Variants in CTNNA1 observed in about 807,000 individuals in gnomAD.
The protein encoded by CTNNA1 is catenin alpha-1.
CTNNA1 carries 37 observed loss-of-function variants against 98.4 expected under a neutral mutation model. That is an observed-to-expected ratio of 0.38 (90% CI 0.29 to 0.49). The LOEUF (loss-of-function observed/expected upper bound fraction) is 0.49, where lower values mean the gene tolerates loss of function less well. CTNNA1 is among the 20% of genes least tolerant of loss of function. The pLI is 0.95. For missense variants in CTNNA1, 761 were observed against 1,147.2 expected, an observed-to-expected ratio of 0.66 and a Z score of 4.86; for synonymous variants, 404 against 413.2, an observed-to-expected ratio of 0.98 and a Z score of 0.27.
chr5:138,871,534 T>C (rs1392529488), intron 7 of CTNNA1: 1 of 152,262 alleles, frequency 6.6e-6, no homozygotes, highest in African/African-American at 2.4e-5. Context: ...ATATTTACAT[T>C]GGAGGATCTA....
At chr5:138,895,704 G>A (rs1411023812) in intron 9 of CTNNA1, among the ~76,000 whole-genome samples, 2 of 152,062 alleles carry the variant, frequency 1.3e-5, no homozygotes, top group Non-Finnish European at 2.9e-5. Flanking sequence ...AGATTATCTT[G>A]TACTAAATAC....
chr5:138,756,347 A>G (rs1751645549), intron 1 of CTNNA1, among the ~76,000 whole-genome samples: 1 of 151,998 alleles, frequency 6.6e-6, no homozygotes, highest in African/African-American at 2.4e-5. Context: ...TTTAATTTTT[A>G]GCAGAGATGG....
At chr5:138,839,258 C>T (rs1762067051) in intron 7 of CTNNA1, among the ~76,000 whole-genome samples, 3 of 151,600 alleles carry the variant, frequency 2.0e-5, no homozygotes, top group African/African-American at 4.9e-5. Flanking sequence ...AAGTCTTGCT[C>T]TGTTGCTCAG....
intron 5 of CTNNA1, among the ~76,000 whole-genome samples, chr5:138,816,479 T>G (rs1356005887): frequency 1.3e-5 from 2 of 152,240 alleles, no homozygotes; most frequent in African/African-American, 4.8e-5. Flanking sequence ...TGTACTGATT[T>G]ACATTCCCAC....
intron 7 of CTNNA1, among the ~76,000 whole-genome samples, chr5:138,840,548 A>G (rs1251781537): frequency 6.6e-6 from 1 of 152,202 alleles, no homozygotes; most frequent in Non-Finnish European, 1.5e-5. Flanking sequence ...CTTTTTGGCA[A>G]AGTTGTCATG....
intron 14 of CTNNA1, among the ~76,000 whole-genome samples, chr5:138,929,833 A>G (rs1363133473): frequency 6.6e-6 from 1 of 152,230 alleles, no homozygotes; most frequent in East Asian, 1.9e-4. Flanking sequence ...GAGGATGCCA[A>G]GAAATATTTC....
At chr5:138,789,184 T>G (rs1311843138) in intron 3 of CTNNA1, among the ~76,000 whole-genome samples, 1 of 41,142 alleles carries the variant, frequency 2.4e-5, no homozygotes, top group African/African-American at 2.3e-4. Context: ...GTTTTTCCTG[T>G]TTTTCCCCCC....
At chr5:138,813,677 G>GTAC (rs1292422844) in intron 5 of CTNNA1, among the ~76,000 whole-genome samples, 1 of 152,154 alleles carries the variant, frequency 6.6e-6, no homozygotes, top group African/African-American at 2.4e-5. Flanking sequence ...CCAGGTTGGA[G>GTAC]TACAGTGGTG....
intron 5 of CTNNA1, among the ~76,000 whole-genome samples, chr5:138,821,437 A>T (rs951102535): frequency 6.6e-5 from 10 of 152,096 alleles, no homozygotes; most frequent in African/African-American, 2.4e-4. Context: ...TTTTGTGATT[A>T]TTTTTTTCTG....
At chr5:138,758,589 A>G (rs1751967442) in intron 1 of CTNNA1, among the ~76,000 whole-genome samples, 1 of 151,888 alleles carries the variant, frequency 6.6e-6, no homozygotes, top group Non-Finnish European at 1.5e-5. Flanking sequence ...GTTGGCCAGG[A>G]TAGTCTTGAT....
chr5:138,864,357 T>G (rs1042504461), intron 7 of CTNNA1, among the ~76,000 whole-genome samples: 1 of 152,204 alleles, frequency 6.6e-6, no homozygotes. Context: ...AATCTTATTA[T>G]GACCATTGGC....
At position 138,812,265 on chromosome 5, in the gene CTNNA1, T is replaced by C. The variant is rs1448027258; in HGVS notation, c.551T>C (p.Val184Ala). 2.5e-6 allele frequency: 4 copies of C among 1,613,916 alleles called. No individual in the cohort carries two copies. The highest frequency in any genetic ancestry group is 1.3e-5 in the African/African-American group (1 of 75,026). Reference protein sequence around the residue: ...GIQYKALKPEVDKLNIMAAKR... With the variant: ...GIQYKALKPEADKLNIMAAKR... Reference sequence around the variant, plus strand: ...CAGTATAAAGCCCTAAAACCTGAAGTGGATAAGCTGAACATTATGGCAGCC... The same window carrying C: ...CAGTATAAAGCCCTAAAACCTGAAGCGGATAAGCTGAACATTATGGCAGCC... The change falls in exon 5 of 18, where the codon GTG becomes GCG. Residue 184 changes from valine to alanine, a missense_variant. Physicochemically the swap from Val to Ala is moderately conservative, Grantham distance 64. Coordinates refer to ENST00000302763, the MANE Select transcript of CTNNA1 (RefSeq NM_001903.5).
At chr5:138,885,387 T>C (rs1208728954) in intron 7 of CTNNA1, among the ~76,000 whole-genome samples, 1 of 152,186 alleles carries the variant, frequency 6.6e-6, no homozygotes, top group Non-Finnish European at 1.5e-5. Flanking sequence ...GCTTTTAATA[T>C]ACTTTATATA....
chr5:138,771,734 G>A (rs1016189088), intron 1 of CTNNA1, among the ~76,000 whole-genome samples: 4 of 152,080 alleles, frequency 2.6e-5, no homozygotes, highest in Non-Finnish European at 5.9e-5. Flanking sequence ...GAGAGTTGAG[G>A]TTCCAAAGGC....
intron 1 of CTNNA1, among the ~76,000 whole-genome samples, chr5:138,758,470 C>T (rs377578369): frequency 1.7e-4 from 26 of 152,204 alleles, no homozygotes; most frequent in East Asian, 1.5e-3. Context: ...CTCTGCCTCC[C>T]GTGTTCAAGT....
intron 11 of CTNNA1, among the ~76,000 whole-genome samples, chr5:138,918,481 C>A (rs1163597117): frequency 6.6e-6 from 1 of 152,034 alleles, no homozygotes; most frequent in Non-Finnish European, 1.5e-5. Flanking sequence ...GCATGATGCA[C>A]AGATAGAAAA....
chr5:138,827,817 T>C, intron 7 of CTNNA1, 99 bp downstream of exon 7: 1 of 1,409,340 alleles, frequency 7.1e-7, no homozygotes, highest in Non-Finnish European at 9.7e-7. Context: ...ATACCAAATA[T>C]GTCCTTGACT....
intron 7 of CTNNA1, chr5:138,880,717 C>T (rs1752698867): frequency 9.1e-6 from 2 of 220,238 alleles, no homozygotes; most frequent in African/African-American, 4.6e-5. Flanking sequence ...GCTGTTTGCA[C>T]AGGATAGAAT....
intron 10 of CTNNA1, among the ~76,000 whole-genome samples, chr5:138,912,410 A>G (rs1760846489): frequency 6.6e-6 from 1 of 152,262 alleles, no homozygotes. Context: ...AGACAAAGAC[A>G]AAATAGCCAG....
Sources: allele counts gnomAD v4.1 joint callset (sites outside exome capture counted in the v4.1 genomes callset), GRCh38; gene constraint gnomAD v4.1.1; transcripts MANE v1.5; gene names NCBI Gene and HGNC (gene_info 2026-07-23, HGNC 2026-07-21).